The following ARPP21 variants were observed in gnomAD, a reference collection of about 807,000 sequenced individuals.
ARPP21 encodes the protein cAMP regulated phosphoprotein 21, also known as cAMP-regulated phosphoprotein 21.
ARPP21 carries 69 observed loss-of-function variants against 113.2 expected under a neutral mutation model. The observed-to-expected ratio is 0.61, with a 90% CI of 0.50 to 0.74. The LOEUF (loss-of-function observed/expected upper bound fraction) is 0.74. ARPP21 is among the 30% of genes least tolerant of loss of function. The pLI is 0.00. For missense variants in ARPP21, 1,070 were observed against 1,037.4 expected, an observed-to-expected ratio of 1.03 and a Z score of -0.43; for synonymous variants, 368 against 375.5, an observed-to-expected ratio of 0.98 and a Z score of 0.23.
chr3:35,697,355 G>C (rs1243979576), intron 9 of ARPP21, among the ~76,000 whole-genome samples: 1 of 151,600 alleles, frequency 6.6e-6, no homozygotes, highest in Non-Finnish European at 1.5e-5. Context: ...AGTGCCCAAG[G>C]ACATATCCAG....
intron 1 of ARPP21, chr3:35,678,821 T>G (rs1411684056): frequency 6.6e-6 from 1 of 151,898 alleles, no homozygotes; most frequent in African/African-American, 2.4e-5. Context: ...GTAACTGGGA[T>G]GCATTTAGTG....
intron 1 of ARPP21, among the ~76,000 whole-genome samples, chr3:35,672,267 G>T (rs1513472): frequency 1.3e-5 from 2 of 151,934 alleles, no homozygotes; most frequent in African/African-American, 4.8e-5. Context: ...AAATATTCTG[G>T]ACAGTAGGAG....
intron 19 of ARPP21, among the ~76,000 whole-genome samples, chr3:35,756,577 C>G (rs2095578861): frequency 1.3e-5 from 2 of 152,036 alleles, no homozygotes; most frequent in African/African-American, 2.4e-5. Flanking sequence ...TCCCACCAAT[C>G]CCTAATCATG....
At chr3:35,784,832 G>A (rs1319598715) in intron 19 of ARPP21, 2 of 151,890 alleles carry the variant, frequency 1.3e-5, no homozygotes, top group Non-Finnish European at 2.9e-5. Flanking sequence ...AGTTGCTTAT[G>A]AAATAATTTC....
intron 19 of ARPP21, among the ~76,000 whole-genome samples, chr3:35,771,670 TAATAC>T (rs2096209121): frequency 6.6e-6 from 1 of 152,114 alleles, no homozygotes; most frequent in Non-Finnish European, 1.5e-5. Context: ...TATTCAACAA[TAATAC>T]AATACATTTC....
intron 19 of ARPP21, among the ~76,000 whole-genome samples, chr3:35,766,788 C>A (rs570407603): frequency 1.7e-4 from 26 of 152,232 alleles, no homozygotes; most frequent in Admixed American, 5.9e-4. Flanking sequence ...AATGCACCAT[C>A]ACCTATTTCT....
chr3:35,711,656 G>A (rs2091168458), intron 11 of ARPP21, among the ~76,000 whole-genome samples: 1 of 152,180 alleles, frequency 6.6e-6, no homozygotes, highest in African/African-American at 2.4e-5. Context: ...AACTGGGGCT[G>A]CAGTCATCTG....
chr3:35,754,235 A>G (rs1440632322), intron 19 of ARPP21, among the ~76,000 whole-genome samples: 1 of 152,018 alleles, frequency 6.6e-6, no homozygotes. Context: ...ACATTTTAAT[A>G]TTTAGAGTCC....
Position 35,729,540 on chromosome 3 carries a change from A to G in ARPP21, c.1459+4A>G. The G allele has an allele frequency of 1.2e-6, 2 of 1,606,370 alleles. No individual in the cohort carries two copies. Among genetic ancestry groups the G allele is most frequent in the Non-Finnish European group, 8.5e-7 (1 of 1,172,912 alleles). On this transcript the variant is annotated splice_donor_region_variant and intron_variant, in intron 15 of 20. Transcript: ENST00000684406. ...ATCCTTCTTAATCCACACACAGGTG[A>G]GTTACTACCTGCTTTATCAGGGACA... is the stretch of plus-strand genomic sequence containing the variant.
rs989522989 is a variant in ARPP21, at chr3:35,739,445, C to T, written c.1878C>T (p.Ser626=). 6.2e-7 allele frequency: 1 copy of T among 1,614,150 alleles called. No individual in the cohort carries two copies. The highest frequency in any genetic ancestry group is 8.5e-7 in the Non-Finnish European group (1 of 1,180,042). The change falls in exon 18 of 21, where the codon AGC becomes AGT. Residue 626 remains serine (S), a synonymous_variant. Transcript: ENST00000684406. ...TGCCACAGCCGGCCCAGCAGCCCAG[C>T]TATGTAATCGCCTCTACAGGCCAGC... The part of the protein sequence containing the change: ...SLMPQPAQQP[S]YVIASTGQQL...
At chr3:35,657,274 A>T (rs1480664648) in intron 1 of ARPP21, among the ~76,000 whole-genome samples, 6 of 152,176 alleles carry the variant, frequency 3.9e-5, no homozygotes, top group Admixed American at 2.0e-4. Flanking sequence ...TCCATTCACA[A>T]CTTAAAGAGC....
intron 18 of ARPP21, among the ~76,000 whole-genome samples, chr3:35,740,841 T>C (rs1485113577): frequency 6.6e-6 from 1 of 152,126 alleles, no homozygotes; most frequent in Non-Finnish European, 1.5e-5. Flanking sequence ...CTCAGACCTT[T>C]AACCCCTGCA....
At chr3:35,772,082 C>T (rs921822) in intron 19 of ARPP21, among the ~76,000 whole-genome samples, 35,482 of 151,900 alleles carry the variant, frequency 0.23, 4,337 homozygotes, top group Non-Finnish European at 0.26. Context: ...TTATTTGAAG[C>T]CATTAAAATA....
chr3:35,785,787 G>T (rs1234199247), intron 19 of ARPP21, among the ~76,000 whole-genome samples: 1 of 152,138 alleles, frequency 6.6e-6, no homozygotes, highest in African/African-American at 2.4e-5. Context: ...TTCCACTTAG[G>T]TAGGGCCTGT....
At chr3:35,762,126 TCACACACACACA>T (rs371775285) in intron 19 of ARPP21, among the ~76,000 whole-genome samples, 1 of 126,956 alleles carries the variant, frequency 7.9e-6, no homozygotes. Flanking sequence ...TCTCTCTCTC[TCACACACACACA>T]CACACACACA....
intron 15 of ARPP21, 92 bp from the exon 16 acceptor site, chr3:35,737,086 T>C (rs919521904): frequency 2.7e-6 from 2 of 746,342 alleles, no homozygotes; most frequent in African/African-American, 3.5e-5. Context: ...CCCTTTACTT[T>C]AGGTTACTTT....
intron 2 of ARPP21, chr3:35,681,472 T>G: frequency 3.3e-6 from 1 of 302,834 alleles, no homozygotes; most frequent in South Asian, 8.0e-5. Context: ...CTAAGATTTG[T>G]CGACCCATTT....
intron 1 of ARPP21, among the ~76,000 whole-genome samples, chr3:35,671,076 C>G (rs1575635405): frequency 6.6e-6 from 1 of 152,138 alleles, no homozygotes; most frequent in African/African-American, 2.4e-5. Context: ...GTACCAGAGT[C>G]TCTGTAAAGG....
chr3:35,791,837 T>A (rs576445817), intron 19 of ARPP21, among the ~76,000 whole-genome samples: 169 of 152,300 alleles, frequency 1.1e-3, no homozygotes, highest in African/African-American at 4.0e-3. Flanking sequence ...AAGGCAGTGG[T>A]TATCGTGAAT....
Sources: gnomAD v4.1 joint callset for allele counts (sites outside exome capture counted in the v4.1 genomes callset) on GRCh38, gnomAD v4.1.1 for gene constraint, MANE v1.5 for transcripts, NCBI Gene and HGNC (gene_info 2026-07-23, HGNC 2026-07-21) for gene names.